Variants in USP46 observed in about 807,000 individuals in gnomAD.
USP46 encodes the protein ubiquitin carboxyl-terminal hydrolase 46.
Under a neutral mutation model 44.4 loss-of-function variants are expected in USP46, and 12 were observed. The ratio of observed to expected loss-of-function variants is 0.27; its 90% confidence interval spans 0.17 to 0.44. USP46 has a LOEUF of 0.44. Among genes scored for constraint, USP46 ranks in the 20% least tolerant of loss-of-function variants. The pLI is 1.00. For synonymous variants in USP46, 155 were observed against 161.5 expected, an observed-to-expected ratio of 0.96 and a Z score of 0.31; for missense variants, 248 against 444.8, an observed-to-expected ratio of 0.56 and a Z score of 3.98.
rs1207318127 is a variant in USP46 at position 52,597,563 on chromosome 4, AG to A, written c.*76del. The A allele has an allele frequency of 2.0e-6, 2 of 978,346 alleles. No individual in the cohort carries two copies. The highest frequency in any genetic ancestry group is 3.3e-5 in the African/African-American group (2 of 60,636). The allele number at this position is 978,346 out of a possible 1,614,324, so 60.6% of individuals were successfully genotyped here. On this transcript the variant is annotated 3_prime_UTR_variant, in exon 9 of 9. Coordinates refer to ENST00000441222, the MANE Select transcript of USP46 (RefSeq NM_022832.4). ...TACCATTAGTGGGCCACTGGGGAAG[AG>A]GAAAGCCTGCGGAGAAGCCGGGTGA...
intron 4 of USP46, among the ~76,000 whole-genome samples, chr4:52,617,955 T>TA (rs1249220457): frequency 1.3e-5 from 2 of 152,200 alleles, no homozygotes; most frequent in Non-Finnish European, 2.9e-5. Flanking sequence ...CAAAAACTCT[T>TA]AGTTTAAAAG....
chr4:52,641,052 G>A (rs773402960), intron 1 of USP46, among the ~76,000 whole-genome samples: 2 of 151,798 alleles, frequency 1.3e-5, no homozygotes, highest in Admixed American at 6.6e-5. Context: ...GCAGCAGAGA[G>A]AATGAAGCAA....
chr4:52,647,073 A>G (rs1486934461), intron 1 of USP46, among the ~76,000 whole-genome samples: 1 of 152,064 alleles, frequency 6.6e-6, no homozygotes, highest in Non-Finnish European at 1.5e-5. Flanking sequence ...AACTACCTAC[A>G]ACATGTCCTG....
At chr4:52,651,991 T>G (rs1261511086) in intron 1 of USP46, among the ~76,000 whole-genome samples, 1 of 152,162 alleles carries the variant, frequency 6.6e-6, no homozygotes, top group Admixed American at 6.5e-5. Context: ...TTTGCTTTGG[T>G]CTCCTTGATT....
chr4:52,630,730 CTG>C (rs1717789005), intron 2 of USP46, among the ~76,000 whole-genome samples: 2 of 97,462 alleles, frequency 2.1e-5, no homozygotes, highest in Non-Finnish European at 4.0e-5. Context: ...GAGCAAGACT[CTG>C]TCTCAAAAAA....
At chr4:52,599,867 T>C (rs1199494827) in intron 7 of USP46, among the ~76,000 whole-genome samples, 1 of 152,188 alleles carries the variant, frequency 6.6e-6, no homozygotes, top group African/African-American at 2.4e-5. Flanking sequence ...CTGGCTCCTC[T>C]CACACACTGC....
chr4:52,641,627 A>T (rs1718344456), intron 1 of USP46, among the ~76,000 whole-genome samples: 1 of 152,198 alleles, frequency 6.6e-6, no homozygotes, highest in African/African-American at 2.4e-5. Flanking sequence ...GGAAAAACCA[A>T]TGAGAACACT....
intron 1 of USP46, among the ~76,000 whole-genome samples, chr4:52,633,612 G>A (rs1211497346): frequency 3.3e-5 from 5 of 152,270 alleles, no homozygotes; most frequent in Admixed American, 2.6e-4. Flanking sequence ...CTTAGAGCCC[G>A]GGAGGAATGT....
intron 5 of USP46, among the ~76,000 whole-genome samples, chr4:52,610,201 G>A (rs1716888327): frequency 6.6e-6 from 1 of 151,890 alleles, no homozygotes; most frequent in African/African-American, 2.4e-5. Flanking sequence ...TGGGATTACA[G>A]GCGTGAGCCA....
intron 1 of USP46, among the ~76,000 whole-genome samples, chr4:52,646,259 G>A (rs1221613743): frequency 1.3e-5 from 2 of 152,146 alleles, no homozygotes; most frequent in Non-Finnish European, 2.9e-5. Context: ...ATGCCTCAAT[G>A]CACTTGTGCG....
chr4:52,609,884 CCTCAA>C (rs908425066), intron 5 of USP46, among the ~76,000 whole-genome samples: 5 of 113,660 alleles, frequency 4.4e-5, no homozygotes, highest in African/African-American at 1.3e-4. Context: ...GAAACCTAAA[CCTCAA>C]TTCTATTTCT....
chr4:52,622,928 A>G (rs1717433953), intron 4 of USP46, among the ~76,000 whole-genome samples: 1 of 152,258 alleles, frequency 6.6e-6, no homozygotes, highest in Non-Finnish European at 1.5e-5. Flanking sequence ...GACCCTGCAG[A>G]GACAGACAGA....
intron 1 of USP46, among the ~76,000 whole-genome samples, chr4:52,632,458 G>T (rs1387204943): frequency 6.6e-6 from 1 of 152,138 alleles, no homozygotes; most frequent in African/African-American, 2.4e-5. Context: ...TACCTTCACA[G>T]GCCATCATGG....
intron 1 of USP46, among the ~76,000 whole-genome samples, chr4:52,650,547 C>T (rs1012613133): frequency 3.9e-5 from 6 of 152,208 alleles, no homozygotes; most frequent in East Asian, 1.9e-4. Context: ...AGAGTTAGTG[C>T]TGTTTTTACA....
intron 4 of USP46, among the ~76,000 whole-genome samples, chr4:52,618,294 G>C (rs987964372): frequency 2.0e-5 from 3 of 152,140 alleles, no homozygotes; most frequent in Admixed American, 1.3e-4. Context: ...TTTAAGACCA[G>C]CCTGGCCAAC....
Position 52,593,200 on chromosome 4 carries a change from G to A in USP46, c.*4440C>T. On this transcript the variant is annotated 3_prime_UTR_variant, in exon 9 of 9. Coordinates refer to ENST00000441222, the MANE Select transcript of USP46 (RefSeq NM_022832.4). ...GAGAGGAAAGGAAATTTGAAGAAAT[G>A]GGAAAATACATTCTCTAGAATTTGT... The A allele has an allele frequency of 2.8e-6, 1 of 352,482 alleles. No homozygotes were observed. Among genetic ancestry groups the A allele is most frequent in the East Asian group, 4.1e-5 (1 of 24,316 alleles). 21.8% of individuals were successfully genotyped at this position (352,482 alleles called of 1,614,324 possible). A position where few individuals can be genotyped will look rare whatever the true frequency, so the allele number is the denominator to read the frequency against.
chr4:52,627,913 T>G, intron 3 of USP46, 37 bp downstream of exon 3: 1 of 1,572,772 alleles, frequency 6.4e-7, no homozygotes, highest in African/African-American at 1.3e-5. Context: ...TCTCCTTATT[T>G]CAGAGGCTTA....
chr4:52,651,076 A>G (rs1172614342), intron 1 of USP46: 1 of 143,494 alleles, frequency 7.0e-6, no homozygotes, highest in Non-Finnish European at 1.5e-5. Flanking sequence ...CTGGCAACAG[A>G]GTGAGACTCC....
chr4:52,607,399 AG>A (rs1716729000), intron 5 of USP46, among the ~76,000 whole-genome samples: 1 of 152,254 alleles, frequency 6.6e-6, no homozygotes, highest in African/African-American at 2.4e-5. Context: ...CTCTTCAATG[AG>A]AAAGACAAGA....
Sources: allele counts gnomAD v4.1 joint callset (sites outside exome capture counted in the v4.1 genomes callset), GRCh38; gene constraint gnomAD v4.1.1; transcripts MANE v1.5; gene names NCBI Gene and HGNC (gene_info 2026-07-23, HGNC 2026-07-21).